The following ZDHHC14 variants were observed in gnomAD, a reference collection of about 807,000 sequenced individuals.
The protein encoded by ZDHHC14 is palmitoyltransferase ZDHHC14.
In ZDHHC14, 16 loss-of-function variants were observed where a neutral mutation model predicts 47.7. The observed-to-expected ratio is 0.34, with a 90% CI of 0.23 to 0.51. ZDHHC14 has a LOEUF of 0.51. Among genes scored for constraint, ZDHHC14 ranks in the 20% least tolerant of loss-of-function variants. The pLI is 0.97. For synonymous variants in ZDHHC14, 293 were observed against 278.9 expected (o/e 1.05, Z -0.50); for missense variants, 515 against 662.5 (o/e 0.78, Z 2.44).
chr6:157,556,511 G>T (rs1006724178), intron 2 of ZDHHC14, among the ~76,000 whole-genome samples: 1 of 152,254 alleles, frequency 6.6e-6, no homozygotes, highest in Non-Finnish European at 1.5e-5. Flanking sequence ...TCACTGTGCT[G>T]TTTGGTAGGG....
chr6:157,546,365 T>C (rs1419127321), intron 2 of ZDHHC14, among the ~76,000 whole-genome samples: 1 of 152,204 alleles, frequency 6.6e-6, no homozygotes, highest in Non-Finnish European at 1.5e-5. Flanking sequence ...CCGTTGTAGA[T>C]CTCTTCCTTA....
chr6:157,621,313 A>G (rs920665686), intron 3 of ZDHHC14, among the ~76,000 whole-genome samples: 1 of 152,202 alleles, frequency 6.6e-6, no homozygotes, highest in East Asian at 1.9e-4. Context: ...AATATACCTC[A>G]TAGGGCAAAA....
In ZDHHC14 at chr6:157,676,723, G is replaced by A. The variant is rs535415819; in HGVS notation, c.*3601G>A. 122 of 152,402 alleles carry A rather than the reference G, an allele frequency of 8.0e-4. No individual in the cohort carries two copies. The highest frequency in any genetic ancestry group is 3.4e-3 in the Middle Eastern group (1 of 292). The allele number at this position is 152,402 out of a possible 1,614,324, so 9.4% of individuals were successfully genotyped here. On this transcript the variant is annotated 3_prime_UTR_variant, in exon 9 of 9. Transcript: ENST00000359775. ...GAGACTTTGAAGGGCACAGCCTGGC[G>A]GGCTACTCCCCAAGGGTCTCAGGTC...
At chr6:157,444,410 G>GC (rs934896929) in intron 1 of ZDHHC14, among the ~76,000 whole-genome samples, 5 of 152,200 alleles carry the variant, frequency 3.3e-5, no homozygotes, top group African/African-American at 9.7e-5. Context: ...GGGCATGGTG[G>GC]CTCACGCCTG....
chr6:157,671,868 C>A (rs1357966316), intron 8 of ZDHHC14, among the ~76,000 whole-genome samples: 1 of 152,144 alleles, frequency 6.6e-6, no homozygotes, highest in Non-Finnish European at 1.5e-5. Context: ...ATAATATTTG[C>A]CACTTTAACC....
Position 157,592,990 on chromosome 6 carries a change from A to G in ZDHHC14, c.409A>G (p.Ile137Val), listed in dbSNP as rs773006530. Residue 137 changes from isoleucine to valine, a missense_variant and splice_region_variant, in exon 3 of 9, where the codon ATC becomes GTC. Around this residue, in one of 4 missense-constraint regions of ZDHHC14, gnomAD observed 229 missense variants for 351.5 expected, o/e 0.65. Transcript: ENST00000359775. ...EAADLERQID[I>V]ANGTSSGGYR... is the part of the protein sequence containing the mutation. ...TCTTTCTCTTCTTTTCTCCACAGAT[A>G]TCGCAAACGGCACCAGTTCAGGGGG... 2.5e-6 allele frequency: 4 copies of G among 1,610,634 alleles called. No homozygotes were observed. The highest frequency in any genetic ancestry group is 3.4e-6 in the Non-Finnish European group (4 of 1,178,796).
chr6:157,497,604 G>A (rs1780098531), intron 1 of ZDHHC14, among the ~76,000 whole-genome samples: 1 of 152,176 alleles, frequency 6.6e-6, no homozygotes, highest in Admixed American at 6.5e-5. Flanking sequence ...TTTACAGGAT[G>A]AATTTGGGGA....
At chr6:157,497,546 G>A (rs1213258132) in intron 1 of ZDHHC14, among the ~76,000 whole-genome samples, 1 of 152,180 alleles carries the variant, frequency 6.6e-6, no homozygotes, top group Non-Finnish European at 1.5e-5. Context: ...AAGGAGTTAT[G>A]AGGATTAGGC....
intron 1 of ZDHHC14, among the ~76,000 whole-genome samples, chr6:157,413,338 T>C (rs1777908513): frequency 6.6e-6 from 1 of 152,146 alleles, no homozygotes; most frequent in Non-Finnish European, 1.5e-5. Flanking sequence ...ACTGAAGATT[T>C]ACATATGGAG....
At chr6:157,476,211 A>G (rs2114831228) in intron 1 of ZDHHC14, among the ~76,000 whole-genome samples, 1 of 152,292 alleles carries the variant, frequency 6.6e-6, no homozygotes, top group Admixed American at 6.5e-5. Context: ...AAAACGAAAA[A>G]AGACTCAAAT....
At chr6:157,551,433 A>G (rs1268294296) in intron 2 of ZDHHC14, among the ~76,000 whole-genome samples, 1 of 152,252 alleles carries the variant, frequency 6.6e-6, no homozygotes. Flanking sequence ...TTCCAAGTCC[A>G]GGTATATATA....
chr6:157,581,904 T>G (rs1419322816), intron 2 of ZDHHC14, among the ~76,000 whole-genome samples: 3 of 152,062 alleles, frequency 2.0e-5, no homozygotes, highest in Non-Finnish European at 1.5e-5. Context: ...TGACATTTTT[T>G]TTTTCTTTTT....
chr6:157,480,260 T>G (rs1206356527), intron 1 of ZDHHC14, among the ~76,000 whole-genome samples: 3 of 84,416 alleles, frequency 3.6e-5, no homozygotes, highest in Middle Eastern at 6.6e-3. Flanking sequence ...TTGTTTTGGG[T>G]TTTTTTTTTT....
At position 157,432,417 on chromosome 6, in the gene ZDHHC14, C is replaced by T. The variant is rs143090571; in HGVS notation, c.245+50151C>T. ...GGAGAGTGGGGCAGAGCCCTTACTT[C>T]AGGGAGCTTACTAGCAGGTGTGGTT... On this transcript the variant is annotated intron_variant, in intron 1 of 8. Coordinates refer to ENST00000359775, the MANE Select transcript of ZDHHC14 (RefSeq NM_024630.3). 1.1e-4 allele frequency among the ~76,000 whole-genome samples: 16 copies of T among 152,202 alleles called. No individual in the cohort carries two copies. The East Asian group carries it at 3.1e-3, about 29-fold the overall frequency.
rs563030218 is a variant in ZDHHC14, at chr6:157,574,284, A to G, written c.407-18704A>G. Among the ~76,000 whole-genome samples the G allele has an allele frequency of 3.3e-5, 5 of 152,174 alleles. No individual in the cohort carries two copies. In the South Asian group the frequency reaches 8.3e-4, roughly 25 times the overall value. ...CTAAAAATACAAAAATTAGCTGAGC[A>G]TGGTGGTGAATGCCTGTAATCCCAG... On this transcript the variant is annotated intron_variant, in intron 2 of 8. Transcript: ENST00000359775.
intron 2 of ZDHHC14, among the ~76,000 whole-genome samples, chr6:157,552,763 G>T (rs569720348): frequency 3.3e-5 from 5 of 152,264 alleles, no homozygotes; most frequent in South Asian, 4.2e-4. Flanking sequence ...GCCTCTCAGG[G>T]ACAGCTTGTT....
chr6:157,671,674 C>T (rs774361378), intron 8 of ZDHHC14, among the ~76,000 whole-genome samples: 17 of 152,080 alleles, frequency 1.1e-4, no homozygotes, highest in Non-Finnish European at 1.5e-4. Context: ...ACAGAGGACA[C>T]GAGGCAGATA....
chr6:157,566,673 C>A, intron 2 of ZDHHC14, among the ~76,000 whole-genome samples: 1 of 152,220 alleles, frequency 6.6e-6, no homozygotes, highest in South Asian at 2.1e-4. Context: ...TTAGCCCAGG[C>A]GAGCTACCAC....
At chr6:157,389,450 A>G (rs1777379263) in intron 1 of ZDHHC14, among the ~76,000 whole-genome samples, 1 of 152,242 alleles carries the variant, frequency 6.6e-6, no homozygotes, top group South Asian at 2.1e-4. Context: ...GAAATCTAAC[A>G]TGGATGCAAC....
Sources: allele counts gnomAD v4.1 joint callset (sites outside exome capture counted in the v4.1 genomes callset), GRCh38; gene constraint gnomAD v4.1.1; regional missense constraint gnomAD v4.1.1; transcripts MANE v1.5; gene names NCBI Gene and HGNC (gene_info 2026-07-23, HGNC 2026-07-21).